Variants in RFX3 observed in about 807,000 individuals in gnomAD.
The protein encoded by RFX3 is transcription factor RFX3.
Under a neutral mutation model 98.6 loss-of-function variants are expected in RFX3, and 14 were observed. The observed-to-expected ratio is 0.14, with a 90% confidence interval of 0.09 to 0.22. RFX3 has a LOEUF of 0.22. Among genes scored for constraint, RFX3 ranks in the 10% least tolerant of loss-of-function variants. RFX3 has a pLI of 1.00. For synonymous variants in RFX3, 383 were observed against 328.4 expected (o/e 1.17, Z -1.80); for missense variants, 639 against 926.9 (o/e 0.69, Z 4.03).
At position 3,423,263 on chromosome 9, in the gene RFX3, A is replaced by G. The variant is rs186200580; in HGVS notation, c.-8-27667T>C. Among the ~76,000 whole-genome samples the G allele has an allele frequency of 1.1e-3, 163 of 152,342 alleles. 1 individual carries two copies. Among genetic ancestry groups the G allele is most frequent in the African/African-American group, 3.6e-3 (151 of 41,590 alleles). Reference sequence around the variant, plus strand: ...TTCTGAAGTCAAACATATAGTAACCATATGACCCAATATTCCACTCCTAAG... The same window carrying G: ...TTCTGAAGTCAAACATATAGTAACCGTATGACCCAATATTCCACTCCTAAG... On this transcript the variant is annotated intron_variant, in intron 1 of 16. Transcript: ENST00000617270.
chr9:3,448,664 G>C (rs1275638708), intron 1 of RFX3, among the ~76,000 whole-genome samples: 1 of 152,124 alleles, frequency 6.6e-6, no homozygotes, highest in African/African-American at 2.4e-5. Flanking sequence ...GACTACAGAT[G>C]CATTCTACCA....
chr9:3,292,470 C>G (rs529805548), intron 6 of RFX3, among the ~76,000 whole-genome samples: 19 of 151,816 alleles, frequency 1.3e-4, no homozygotes, highest in African/African-American at 4.6e-4. Flanking sequence ...ATATTAAGAG[C>G]AGAAAAAAAA....
intron 1 of RFX3, among the ~76,000 whole-genome samples, chr9:3,409,109 A>T (rs1387507415): frequency 6.6e-6 from 1 of 152,200 alleles, no homozygotes; most frequent in Admixed American, 6.5e-5. Context: ...ACTGTGGCCT[A>T]CCCATGTAAT....
chr9:3,301,795 A>T (rs1004681126), intron 4 of RFX3, among the ~76,000 whole-genome samples, 175 bp from the exon 5 acceptor site: 78 of 151,972 alleles, frequency 5.1e-4, no homozygotes, highest in African/African-American at 1.8e-3. Context: ...GAACAAAATA[A>T]AAATATGCAC....
intron 4 of RFX3, among the ~76,000 whole-genome samples, chr9:3,329,431 A>AAAAAAC (rs1563935315): frequency 2.7e-5 from 4 of 150,408 alleles, no homozygotes; most frequent in African/African-American, 9.8e-5. Context: ...AAAAAAAACA[A>AAAAAAC]AAAACCACCA....
chr9:3,373,751 A>T (rs1026658126), intron 2 of RFX3, among the ~76,000 whole-genome samples: 1 of 152,080 alleles, frequency 6.6e-6, no homozygotes, highest in Non-Finnish European at 1.5e-5. Flanking sequence ...AAAGATTAGG[A>T]AGAGAGAAAG....
chr9:3,341,457 T>G (rs1193544076), intron 3 of RFX3, among the ~76,000 whole-genome samples: 1 of 151,884 alleles, frequency 6.6e-6, no homozygotes, highest in Non-Finnish European at 1.5e-5. Flanking sequence ...ATCAATGACC[T>G]TGATAAGGGC....
chr9:3,356,335 G>A (rs79495189), intron 2 of RFX3, among the ~76,000 whole-genome samples: 5,287 of 151,728 alleles, frequency 0.035, 315 homozygotes, highest in African/African-American at 0.12. Flanking sequence ...AAGGGGAAAC[G>A]TCACTATACA....
At chr9:3,242,313 G>C (rs1172924877) in intron 15 of RFX3, among the ~76,000 whole-genome samples, 1 of 151,924 alleles carries the variant, frequency 6.6e-6, no homozygotes, top group African/African-American at 2.4e-5. Context: ...TACTAATATA[G>C]TAAATAATAA....
intron 15 of RFX3, among the ~76,000 whole-genome samples, chr9:3,235,867 C>G (rs774539742): frequency 6.6e-6 from 1 of 152,100 alleles, no homozygotes; most frequent in Admixed American, 6.5e-5. Context: ...CAATTAGCAA[C>G]CTTAGTTCCA....
chr9:3,463,931 C>T (rs1847960041), intron 1 of RFX3, among the ~76,000 whole-genome samples: 2 of 152,094 alleles, frequency 1.3e-5, no homozygotes, highest in African/African-American at 4.8e-5. Flanking sequence ...TGTGATCATG[C>T]CACTGCACTC....
chr9:3,473,810 G>A (rs1277237796), intron 1 of RFX3, among the ~76,000 whole-genome samples: 1 of 152,128 alleles, frequency 6.6e-6, no homozygotes, highest in African/African-American at 2.4e-5. Flanking sequence ...AAAAGGTCTT[G>A]TATCTTTAAA....
intron 1 of RFX3, among the ~76,000 whole-genome samples, chr9:3,416,871 G>C (rs1202331440): frequency 1.3e-5 from 2 of 151,998 alleles, no homozygotes; most frequent in Admixed American, 6.6e-5. Flanking sequence ...CAACACAGTA[G>C]ATTTAAATCC....
intron 8 of RFX3, among the ~76,000 whole-genome samples, chr9:3,276,963 T>C (rs7035973): frequency 3.0e-3 from 451 of 152,180 alleles, no homozygotes; most frequent in African/African-American, 9.6e-3. Flanking sequence ...TTTTTTCTAA[T>C]CTGAGCCTGT....
intron 1 of RFX3, among the ~76,000 whole-genome samples, chr9:3,401,559 T>C (rs1449138175): frequency 2.0e-5 from 3 of 152,204 alleles, no homozygotes; most frequent in African/African-American, 7.2e-5. Context: ...ACAAATGCCG[T>C]CACATTAATC....
intron 15 of RFX3, among the ~76,000 whole-genome samples, chr9:3,238,286 G>A (rs1213995977): frequency 6.6e-6 from 1 of 152,166 alleles, no homozygotes; most frequent in East Asian, 1.9e-4. Context: ...GGGCTTTGAC[G>A]TCAGGTTGAC....
chr9:3,277,585 A>G (rs950926293), intron 7 of RFX3, 124 bp from the exon 8 acceptor site: 1 of 770,110 alleles, frequency 1.3e-6, no homozygotes, highest in Non-Finnish European at 2.0e-6. Context: ...TAGTTGTAGG[A>G]TTTTTTTCCT....
intron 1 of RFX3, among the ~76,000 whole-genome samples, chr9:3,496,059 C>T (rs1168889485): frequency 1.3e-5 from 2 of 151,970 alleles, no homozygotes; most frequent in Non-Finnish European, 2.9e-5. Flanking sequence ...TAAGCAGAAG[C>T]TATATTCATT....
At chr9:3,278,519 T>C (rs1470379362) in intron 7 of RFX3, among the ~76,000 whole-genome samples, 1 of 151,808 alleles carries the variant, frequency 6.6e-6, no homozygotes, top group African/African-American at 2.4e-5. Context: ...CCTACATTGA[T>C]ACTAAAATTC....
Sources: gnomAD v4.1 joint callset for allele counts (sites outside exome capture counted in the v4.1 genomes callset) on GRCh38, gnomAD v4.1.1 for gene constraint, MANE v1.5 for transcripts, NCBI Gene and HGNC (gene_info 2026-07-23, HGNC 2026-07-21) for gene names.